The following FNDC3B variants were observed in gnomAD, a reference collection of about 807,000 sequenced individuals.
FNDC3B encodes fibronectin type III domain containing 3B.
In FNDC3B, 12 loss-of-function variants were observed where a neutral mutation model predicts 151.5. That is an observed-to-expected ratio of 0.08 (90% CI 0.05 to 0.13). The LOEUF (loss-of-function observed/expected upper bound fraction) is 0.13. Ranked by LOEUF, FNDC3B falls within the 10% of genes least tolerant of loss-of-function variation. FNDC3B has a pLI of 1.00. For synonymous variants in FNDC3B, 528 were observed against 549.0 expected, an observed-to-expected ratio of 0.96 and a Z score of 0.54; for missense variants, 1,214 against 1,505.3, an observed-to-expected ratio of 0.81 and a Z score of 3.20.
chr3:172,136,162 C>A (rs1721350948), intron 3 of FNDC3B, among the ~76,000 whole-genome samples: 1 of 152,174 alleles, frequency 6.6e-6, no homozygotes, highest in African/African-American at 2.4e-5. Context: ...GGACTCCATT[C>A]TCTTGACAAC....
chr3:172,294,643 G>C (rs889028690), intron 7 of FNDC3B, among the ~76,000 whole-genome samples: 3 of 152,186 alleles, frequency 2.0e-5, no homozygotes, highest in African/African-American at 7.2e-5. Context: ...CCATGCGGGG[G>C]TCTATCAATA....
At chr3:172,306,325 T>C (rs949821780) in intron 9 of FNDC3B, among the ~76,000 whole-genome samples, 7 of 152,344 alleles carry the variant, frequency 4.6e-5, no homozygotes, top group East Asian at 1.9e-4. Context: ...ATAAATACCA[T>C]TGATCCAAAT....
chr3:172,282,280 G>T (rs1254288871), intron 6 of FNDC3B, among the ~76,000 whole-genome samples: 1 of 152,110 alleles, frequency 6.6e-6, no homozygotes, highest in African/African-American at 2.4e-5. Context: ...CAGCACGAAT[G>T]GAAAAGCATT....
intron 6 of FNDC3B, among the ~76,000 whole-genome samples, chr3:172,256,472 T>C (rs1186734635): frequency 6.6e-6 from 1 of 152,254 alleles, no homozygotes; most frequent in African/African-American, 2.4e-5. Flanking sequence ...CGGAGTATTA[T>C]GCAAGAGCTG....
chr3:172,310,747 A>G (rs1686909199), intron 10 of FNDC3B, 81 bp from the exon 11 acceptor site: 2 of 980,808 alleles, frequency 2.0e-6, no homozygotes, highest in Non-Finnish European at 3.3e-6. Context: ...TATCATAGAC[A>G]CTGTATGTGA....
At chr3:172,102,142 A>G (rs975371336) in intron 1 of FNDC3B, among the ~76,000 whole-genome samples, 7 of 152,204 alleles carry the variant, frequency 4.6e-5, no homozygotes, top group African/African-American at 9.7e-5. Flanking sequence ...AGATGTTACA[A>G]TTAGCTCGCT....
At chr3:172,185,714 A>G (rs984137059) in intron 3 of FNDC3B, among the ~76,000 whole-genome samples, 4 of 152,256 alleles carry the variant, frequency 2.6e-5, no homozygotes, top group African/African-American at 7.2e-5. Flanking sequence ...GTTGCCAGAA[A>G]ACAGGCCAAT....
intron 3 of FNDC3B, among the ~76,000 whole-genome samples, chr3:172,210,001 A>T (rs909185100): frequency 6.6e-6 from 1 of 152,184 alleles, no homozygotes; most frequent in Non-Finnish European, 1.5e-5. Flanking sequence ...TTCCGACTGG[A>T]GTGGGTGCCA....
chr3:172,164,180 G>A (rs1722905381), intron 3 of FNDC3B, among the ~76,000 whole-genome samples: 1 of 152,152 alleles, frequency 6.6e-6, no homozygotes. Context: ...AGTACTGTCA[G>A]ATTATTTTTG....
rs371611142 is a variant in FNDC3B at position 172,264,417 on chromosome 3, C to T, written c.790+12876C>T. Among the ~76,000 whole-genome samples, 23 of 152,274 alleles carry T rather than the reference C, an allele frequency of 1.5e-4. 1 individual carries two copies. The highest frequency in any genetic ancestry group is 5.5e-4 in the African/African-American group (23 of 41,542). On this transcript the variant is annotated intron_variant, in intron 6 of 25. Transcript: ENST00000415807. ...AGCCTTTATAGTTAAGATTTCAGAA[C>T]TTGGTTTTCTGAACTGAATAATCTG...
chr3:172,097,467 C>T (rs1272318273), intron 1 of FNDC3B, among the ~76,000 whole-genome samples: 1 of 152,124 alleles, frequency 6.6e-6, no homozygotes, highest in African/African-American at 2.4e-5. Context: ...TATTTCCTCA[C>T]AAAAATTTAA....
chr3:172,132,166 A>T (rs1364552435), intron 2 of FNDC3B, among the ~76,000 whole-genome samples: 2 of 152,164 alleles, frequency 1.3e-5, no homozygotes, highest in African/African-American at 4.8e-5. Flanking sequence ...AAGGATGAAT[A>T]GACGTTGGTT....
At chr3:172,226,306 A>C (rs1204623359) in intron 3 of FNDC3B, among the ~76,000 whole-genome samples, 3 of 31,912 alleles carry the variant, frequency 9.4e-5, no homozygotes, top group African/African-American at 3.7e-4. Context: ...ACTCTGTCTC[A>C]AAAAAAAAAA....
At position 172,182,212 on chromosome 3, in the gene FNDC3B, G is replaced by A. The variant is rs147000642; in HGVS notation, c.188-44659G>A. Among the ~76,000 whole-genome samples, 57 of 152,326 alleles carry A rather than the reference G, an allele frequency of 3.7e-4. 1 individual carries two copies. The highest frequency in any genetic ancestry group is 1.2e-3 in the African/African-American group (51 of 41,584). ...ATGAGAAGCAGCAAGTGAAGGCTGGGCTCAGTGGAGGAGAACAATTCTAGG... is the reference window on the plus strand; with the variant it reads ...ATGAGAAGCAGCAAGTGAAGGCTGGACTCAGTGGAGGAGAACAATTCTAGG... On this transcript the variant is annotated intron_variant, in intron 3 of 25. Coordinates refer to ENST00000415807, the MANE Select transcript of FNDC3B (RefSeq NM_022763.4).
intron 3 of FNDC3B, among the ~76,000 whole-genome samples, chr3:172,179,449 A>C (rs1723770809): frequency 6.6e-6 from 1 of 152,172 alleles, no homozygotes; most frequent in Non-Finnish European, 1.5e-5. Context: ...GCAAAACATT[A>C]ATTTTGTATG....
At chr3:172,053,759 A>G (rs1180839288) in intron 1 of FNDC3B, among the ~76,000 whole-genome samples, 1 of 144,968 alleles carries the variant, frequency 6.9e-6, no homozygotes, top group Non-Finnish European at 1.5e-5. Context: ...CCTAGGTGAC[A>G]GGGCGAAACT....
rs9809091 is a variant in FNDC3B, at chr3:172,179,363, G to T, written c.187+45817G>T. Among the ~76,000 whole-genome samples, 1,143 of 152,136 alleles carry T rather than the reference G, an allele frequency of 7.5e-3. 9 individuals are homozygous for T. Among genetic ancestry groups the T allele is most frequent in the African/African-American group, 0.022 (934 of 41,518 alleles). Reference sequence around the variant, plus strand: ...AGGTTTGAGCTGCCGTGCCTGGCCGGGCCTGTTTATAACTATTATGCTCAA... The same window carrying T: ...AGGTTTGAGCTGCCGTGCCTGGCCGTGCCTGTTTATAACTATTATGCTCAA... On this transcript the variant is annotated intron_variant, in intron 3 of 25. Transcript: ENST00000415807.
chr3:172,275,310 A>G (rs944664320), intron 6 of FNDC3B, among the ~76,000 whole-genome samples: 3 of 152,166 alleles, frequency 2.0e-5, no homozygotes, highest in Non-Finnish European at 1.5e-5. Context: ...GAGGGGGGGA[A>G]ATATACATGC....
At chr3:172,246,003 A>G (rs1727756222) in intron 4 of FNDC3B, among the ~76,000 whole-genome samples, 1 of 152,188 alleles carries the variant, frequency 6.6e-6, no homozygotes. Flanking sequence ...TAACATAAAC[A>G]TTGATAGACT....
Sources: allele counts gnomAD v4.1 joint callset (sites outside exome capture counted in the v4.1 genomes callset), GRCh38; gene constraint gnomAD v4.1.1; transcripts MANE v1.5; gene names NCBI Gene and HGNC (gene_info 2026-07-23, HGNC 2026-07-21).